Variants in GOLGA4 observed in about 807,000 individuals in gnomAD.
GOLGA4 encodes golgin A4.
Under a neutral mutation model 265.9 loss-of-function variants are expected in GOLGA4, and 169 were observed. That is an observed-to-expected ratio of 0.64 (90% CI 0.56 to 0.72). The LOEUF (loss-of-function observed/expected upper bound fraction) is 0.72, where lower values mean the gene tolerates loss of function less well. GOLGA4 is among the 30% of genes least tolerant of loss of function. The probability of loss-of-function intolerance (pLI) is 0.00; values close to 1 mark genes in which losing one functional copy is unlikely to be tolerated. For missense variants in GOLGA4, 2,482 were observed against 2,483.4 expected (o/e 1.00, Z 0.01); for synonymous variants, 923 against 855.8 (o/e 1.08, Z -1.37).
At chr3:37,366,008 CA>C in intron 23 of GOLGA4, 71 bp from the exon 24 acceptor site, 1 of 1,311,926 alleles carries the variant, frequency 7.6e-7, no homozygotes, top group Non-Finnish European at 1.0e-6. Context: ...ACAAATATCC[CA>C]AAAAGTCAAC....
chr3:37,276,207 T>C (rs2096818002), intron 2 of GOLGA4: 2 of 1,573,638 alleles, frequency 1.3e-6, no homozygotes, highest in Admixed American at 1.8e-5. Flanking sequence ...GGATCTCAAA[T>C]TGAAGAAGCT....
chr3:37,311,261 T>A (rs2150911550), intron 10 of GOLGA4, among the ~76,000 whole-genome samples: 1 of 152,318 alleles, frequency 6.6e-6, no homozygotes, highest in African/African-American at 2.4e-5. Context: ...TGTGTTTGGA[T>A]ATTATAAATA....
At chr3:37,344,062 T>C (rs1578810424) in intron 20 of GOLGA4, among the ~76,000 whole-genome samples, 1 of 152,236 alleles carries the variant, frequency 6.6e-6, no homozygotes, top group Admixed American at 6.5e-5. Flanking sequence ...GAGGTACAAC[T>C]CAAACAAGAA....
intron 5 of GOLGA4, among the ~76,000 whole-genome samples, chr3:37,294,382 A>ATTTT (rs55842993): frequency 7.6e-6 from 1 of 132,044 alleles, no homozygotes; most frequent in Non-Finnish European, 1.6e-5. Flanking sequence ...ATCTTAAGTA[A>ATTTT]TTTTTTTTTT....
intron 23 of GOLGA4, among the ~76,000 whole-genome samples, chr3:37,362,936 C>T (rs1273101719): frequency 6.6e-6 from 1 of 151,788 alleles, no homozygotes; most frequent in Non-Finnish European, 1.5e-5. Context: ...GTACCCGCCA[C>T]CATGCCCAGC....
At chr3:37,304,068 G>T (rs1417349378) in intron 10 of GOLGA4, among the ~76,000 whole-genome samples, 1 of 152,078 alleles carries the variant, frequency 6.6e-6, no homozygotes, top group African/African-American at 2.4e-5. Flanking sequence ...TCTTGAGTTT[G>T]GCAATGAGAC....
At chr3:37,339,019 G>A (rs966884542) in intron 19 of GOLGA4, among the ~76,000 whole-genome samples, 8 of 151,844 alleles carry the variant, frequency 5.3e-5, no homozygotes. Context: ...CTGCCACCAC[G>A]CCCGGCTAAT....
intron 21 of GOLGA4, among the ~76,000 whole-genome samples, chr3:37,349,514 A>C (rs1289746081): frequency 6.6e-6 from 1 of 152,162 alleles, no homozygotes; most frequent in Non-Finnish European, 1.5e-5. Flanking sequence ...AGCCTGGTCC[A>C]ACTAAAACGC....
intron 23 of GOLGA4, among the ~76,000 whole-genome samples, chr3:37,362,843 C>T (rs1306362137): frequency 3.0e-5 from 4 of 134,232 alleles, no homozygotes; most frequent in East Asian, 2.2e-4. Flanking sequence ...AGTGCAGTGG[C>T]GTGTTTTTGG....
rs970350903 is a variant in GOLGA4, at chr3:37,366,774, C to T, written c.*728C>T. 6.6e-6 allele frequency: 1 copy of T among 152,350 alleles called. No homozygotes were observed. Among genetic ancestry groups the T allele is most frequent in the East Asian group, 1.9e-4 (1 of 5,196 alleles). The allele number at this position is 152,350 out of a possible 1,614,324, so 9.4% of individuals were successfully genotyped here. A position where few individuals can be genotyped will look rare whatever the true frequency, so the allele number is the denominator to read the frequency against. ...ACATTTGTTTATTGTACTTGTTCCT[C>T]AGTTGAAATCTATTTTAAAATGTTT... On this transcript the variant is annotated 3_prime_UTR_variant, in exon 24 of 24. Transcript: ENST00000361924.
At chr3:37,286,449 G>A (rs1482926125) in intron 4 of GOLGA4, among the ~76,000 whole-genome samples, 4 of 152,126 alleles carry the variant, frequency 2.6e-5, no homozygotes, top group Admixed American at 2.0e-4. Context: ...CACCGCGCCC[G>A]GCCTATAGTA....
In GOLGA4 at chr3:37,324,118, G is replaced by A; in HGVS notation, c.2232G>A (p.Glu744=). Residue 744 remains glutamate (E), a synonymous_variant, in exon 14 of 24, where the codon GAG becomes GAA. Transcript: ENST00000361924. ...QQVDSIIKEH[E]VSIQRTEKAL... ...TTGACAGTATCATTAAAGAACACGA[G>A]GTATCTATCCAGAGGACTGAGAAGG... The A allele has an allele frequency of 1.2e-6, 2 of 1,613,982 alleles. No homozygotes were observed. The highest frequency in any genetic ancestry group is 8.5e-7 in the Non-Finnish European group (1 of 1,179,952).
chr3:37,274,976 G>A (rs1423324985), intron 2 of GOLGA4, among the ~76,000 whole-genome samples: 1 of 151,894 alleles, frequency 6.6e-6, no homozygotes, highest in Non-Finnish European at 1.5e-5. Flanking sequence ...CACTTTGGGA[G>A]GCCGAGGTGG....
chr3:37,361,071 G>A (rs571706738), intron 22 of GOLGA4, among the ~76,000 whole-genome samples, 172 bp from the exon 23 acceptor site: 39 of 152,110 alleles, frequency 2.6e-4, no homozygotes, highest in Non-Finnish European at 5.0e-4. Flanking sequence ...GGATATGGGG[G>A]GAGGTATTAC....
chr3:37,266,955 C>T (rs761695095), intron 2 of GOLGA4: 40 of 1,166,594 alleles, frequency 3.4e-5, no homozygotes, highest in Non-Finnish European at 4.0e-5. Context: ...GTCCTTCCAC[C>T]GCTTTCTGCA....
rs766373393 is a variant in GOLGA4 at position 37,327,038 on chromosome 3, T to C, written c.5152T>C (p.Tyr1718His). ...CAGATCAGCAAAAAATGTGGCAGCA[T>C]ATACTGAACAAGAAGAAGCAGATTC... Reference protein sequence around the residue: ...VPRSAKNVAAYTEQEEADSQG... With the variant: ...VPRSAKNVAAHTEQEEADSQG... Residue 1718 changes from tyrosine to histidine, a missense_variant, in exon 14 of 24, where the codon TAT becomes CAT. Transcript: ENST00000361924. 6 of 1,613,866 alleles carry C rather than the reference T, an allele frequency of 3.7e-6. No homozygotes were observed. Among genetic ancestry groups the C allele is most frequent in the Non-Finnish European group, 5.1e-6 (6 of 1,179,844 alleles).
At chr3:37,296,293 C>A in intron 7 of GOLGA4, 74 bp downstream of exon 7, 1 of 1,467,868 alleles carries the variant, frequency 6.8e-7, no homozygotes, top group Non-Finnish European at 9.4e-7. Context: ...CACCTTTAAT[C>A]CCAACACTTT....
At chr3:37,296,476 A>G (rs2096878639) in intron 7 of GOLGA4, among the ~76,000 whole-genome samples, 2 of 152,206 alleles carry the variant, frequency 1.3e-5, no homozygotes, top group African/African-American at 4.8e-5. Context: ...GGGCTGAGGT[A>G]GAAGTGTCCG....
chr3:37,279,837 T>C (rs1237293244), intron 2 of GOLGA4, among the ~76,000 whole-genome samples: 1 of 151,478 alleles, frequency 6.6e-6, no homozygotes, highest in Non-Finnish European at 1.5e-5. Context: ...AACCCGGGAG[T>C]TGGAGGTTGC....
Sources: allele counts gnomAD v4.1 joint callset (sites outside exome capture counted in the v4.1 genomes callset), GRCh38; gene constraint gnomAD v4.1.1; transcripts MANE v1.5; gene names NCBI Gene and HGNC (gene_info 2026-07-23, HGNC 2026-07-21).